The following ANGPT1 variants were observed in gnomAD, a reference collection of about 807,000 sequenced individuals.
The protein encoded by ANGPT1 is angiopoietin-1.
A neutral mutation model predicts 62.2 loss-of-function variants in ANGPT1; 17 were observed. The observed-to-expected ratio is 0.27, with a 90% confidence interval of 0.19 to 0.41. The LOEUF (loss-of-function observed/expected upper bound fraction) is 0.41, where lower values mean the gene tolerates loss of function less well. Among genes scored for constraint, ANGPT1 ranks in the 10% least tolerant of loss-of-function variants. The pLI, the probability that ANGPT1 is intolerant of heterozygous loss-of-function variation, is 1.00. For synonymous variants in ANGPT1, 199 were observed against 198.9 expected, an observed-to-expected ratio of 1.00 and a Z score of 0.00; for missense variants, 478 against 594.9, an observed-to-expected ratio of 0.80 and a Z score of 2.04.
rs78392449 is a variant in ANGPT1 at position 107,369,043 on chromosome 8, A to C, written c.298-21946T>G. Among the ~76,000 whole-genome samples, 567 of 121,552 alleles carry C rather than the reference A, an allele frequency of 4.7e-3. 5 individuals carry two copies. The highest frequency in any genetic ancestry group is 0.015 in the African/African-American group (546 of 35,294). 79.7% of individuals were successfully genotyped at this position (121,552 alleles called of 152,430 possible). On this transcript the variant is annotated intron_variant, in intron 1 of 8. Coordinates refer to ENST00000517746, the MANE Select transcript of ANGPT1 (RefSeq NM_001146.5). ...AGCCAGGCATTGACTTTTGCTGTCTAGTTACACAAGTCCTAGAAAGCATCT... is the reference window on the plus strand; with the variant it reads ...AGCCAGGCATTGACTTTTGCTGTCTCGTTACACAAGTCCTAGAAAGCATCT...
At chr8:107,411,705 T>G (rs960895606) in intron 1 of ANGPT1, among the ~76,000 whole-genome samples, 1 of 152,168 alleles carries the variant, frequency 6.6e-6, no homozygotes, top group Admixed American at 6.6e-5. Context: ...TTAAAAATAA[T>G]CTAGCTCAAA....
chr8:107,403,715 T>C (rs1284147044), intron 1 of ANGPT1, among the ~76,000 whole-genome samples: 3 of 152,166 alleles, frequency 2.0e-5, no homozygotes, highest in Non-Finnish European at 4.4e-5. Context: ...AAGATGCTTG[T>C]ACTATTTTAA....
chr8:107,354,480 T>C (rs1305313473), intron 1 of ANGPT1, among the ~76,000 whole-genome samples: 1 of 152,206 alleles, frequency 6.6e-6, no homozygotes, highest in African/African-American at 2.4e-5. Flanking sequence ...TAATGACTCA[T>C]GAAGCTCTCA....
At chr8:107,456,558 T>A (rs1811925083) in intron 1 of ANGPT1, among the ~76,000 whole-genome samples, 1 of 152,060 alleles carries the variant, frequency 6.6e-6, no homozygotes, top group Non-Finnish European at 1.5e-5. Flanking sequence ...TAAAATGTTT[T>A]AAGTTTCCAC....
In ANGPT1 at chr8:107,497,718, G is replaced by A; in HGVS notation, c.-160C>T. 1 of 769,610 alleles carries A rather than the reference G, an allele frequency of 1.3e-6. No homozygotes were observed. Among genetic ancestry groups the A allele is most frequent in the East Asian group, 2.8e-5 (1 of 35,882 alleles). The allele number at this position is 769,610 out of a possible 1,614,324, so 47.7% of individuals were successfully genotyped here. On this transcript the variant is annotated 5_prime_UTR_variant, in exon 1 of 9. Transcript: ENST00000517746. ...AAGAATCATAGAAAACTAGCCATTT[G>A]TTAGCTTTGTTCTAAAATTTTAAAA...
chr8:107,357,550 G>A (rs1248328644), intron 1 of ANGPT1, among the ~76,000 whole-genome samples: 1 of 152,088 alleles, frequency 6.6e-6, no homozygotes, highest in Non-Finnish European at 1.5e-5. Context: ...GATTGATGGG[G>A]TAAAAGGCTC....
At chr8:107,480,562 A>G (rs1181332417) in intron 1 of ANGPT1, among the ~76,000 whole-genome samples, 6 of 152,230 alleles carry the variant, frequency 3.9e-5, no homozygotes. Context: ...ATCCACACAC[A>G]TAGAATTTTT....
intron 1 of ANGPT1, among the ~76,000 whole-genome samples, chr8:107,431,984 T>G (rs1028095431): frequency 2.0e-5 from 3 of 152,198 alleles, no homozygotes; most frequent in Admixed American, 6.5e-5. Context: ...CAGCAAACTC[T>G]GGCAACTCAA....
intron 4 of ANGPT1, among the ~76,000 whole-genome samples, chr8:107,315,485 C>G (rs1206729541): frequency 6.6e-6 from 1 of 152,016 alleles, no homozygotes; most frequent in Non-Finnish European, 1.5e-5. Flanking sequence ...TGTAGCATAC[C>G]AAACCTCTGC....
rs745344539 is a variant in ANGPT1, at chr8:107,472,384, C to T, written c.297+24878G>A. Among the ~76,000 whole-genome samples, 8 of 152,062 alleles carry T rather than the reference C, an allele frequency of 5.3e-5. No individual in the cohort carries two copies. In the South Asian group the frequency reaches 1.5e-3, roughly 28 times the overall value. On this transcript the variant is annotated intron_variant, in intron 1 of 8. Coordinates refer to ENST00000517746, the MANE Select transcript of ANGPT1 (RefSeq NM_001146.5). ...TGAGGAGTTATGCTCACCTCCTTGG[C>T]GATAGAGAAGCTACATAAACTATTT...
At chr8:107,489,617 G>T (rs1047462073) in intron 1 of ANGPT1, among the ~76,000 whole-genome samples, 1 of 152,142 alleles carries the variant, frequency 6.6e-6, no homozygotes, top group South Asian at 2.1e-4. Context: ...TAATTATTTC[G>T]AATTAGATAA....
intron 4 of ANGPT1, among the ~76,000 whole-genome samples, chr8:107,321,045 C>A (rs541095737): frequency 4.1e-4 from 63 of 152,028 alleles, no homozygotes; most frequent in Non-Finnish European, 6.3e-4. Flanking sequence ...CAGAGAAAGG[C>A]TGATTAGAGA....
intron 1 of ANGPT1, among the ~76,000 whole-genome samples, chr8:107,441,928 A>G (rs1432034187): frequency 6.6e-6 from 1 of 152,136 alleles, no homozygotes; most frequent in Non-Finnish European, 1.5e-5. Context: ...TACTGAAAAT[A>G]CAAAAATTAG....
chr8:107,450,248 C>T (rs985799686), intron 1 of ANGPT1, among the ~76,000 whole-genome samples: 14 of 152,008 alleles, frequency 9.2e-5, no homozygotes, highest in African/African-American at 2.7e-4. Flanking sequence ...ATTGGTATTA[C>T]TTCTTGTTAA....
intron 7 of ANGPT1, among the ~76,000 whole-genome samples, chr8:107,278,390 C>T (rs1193313812): frequency 6.6e-6 from 1 of 152,188 alleles, no homozygotes; most frequent in Non-Finnish European, 1.5e-5. Flanking sequence ...AGTCTCTAAA[C>T]AGCTTTCGTA....
At chr8:107,447,623 G>A (rs1030696285) in intron 1 of ANGPT1, among the ~76,000 whole-genome samples, 2 of 152,182 alleles carry the variant, frequency 1.3e-5, no homozygotes, top group African/African-American at 2.4e-5. Flanking sequence ...CATTCTCACA[G>A]CCCACTTAAA....
At chr8:107,423,071 C>T (rs901082397) in intron 1 of ANGPT1, among the ~76,000 whole-genome samples, 2 of 152,152 alleles carry the variant, frequency 1.3e-5, no homozygotes, top group Admixed American at 1.3e-4. Flanking sequence ...GGAGTCCGCT[C>T]ATACCTTTAA....
intron 1 of ANGPT1, among the ~76,000 whole-genome samples, chr8:107,437,801 C>T (rs905402753): frequency 6.6e-6 from 1 of 151,564 alleles, no homozygotes; most frequent in East Asian, 1.9e-4. Flanking sequence ...GATATCTTTT[C>T]ATCTTGGACT....
chr8:107,440,330 A>AT (rs78726868), intron 1 of ANGPT1, among the ~76,000 whole-genome samples: 10,095 of 152,216 alleles, frequency 0.066, 441 homozygotes, highest in African/African-American at 0.11. Context: ...ACAGCATCAA[A>AT]TTTTACACAC....
Sources: gnomAD v4.1 joint callset for allele counts (sites outside exome capture counted in the v4.1 genomes callset) on GRCh38, gnomAD v4.1.1 for gene constraint, MANE v1.5 for transcripts, NCBI Gene and HGNC (gene_info 2026-07-23, HGNC 2026-07-21) for gene names.